ENPP2: variants seen among roughly 807,000 people sequenced by gnomAD.
ENPP2 encodes the protein ectonucleotide pyrophosphatase/phosphodiesterase 2.
Under a neutral mutation model 120.2 loss-of-function variants are expected in ENPP2, and 51 were observed. That is an observed-to-expected ratio of 0.42 (90% CI 0.34 to 0.54). ENPP2 has a LOEUF of 0.54. Among genes scored for constraint, ENPP2 ranks in the 20% least tolerant of loss-of-function variants. The probability of loss-of-function intolerance (pLI) is 0.04; values close to 1 mark genes in which losing one functional copy is unlikely to be tolerated. For synonymous variants in ENPP2, 365 were observed against 366.4 expected, an observed-to-expected ratio of 1.00 and a Z score of 0.04; for missense variants, 920 against 1,066.5, an observed-to-expected ratio of 0.86 and a Z score of 1.91.
intron 22 of ENPP2, among the ~76,000 whole-genome samples, chr8:119,567,731 C>T (rs1427835786): frequency 1.3e-5 from 2 of 152,150 alleles, no homozygotes; most frequent in East Asian, 3.9e-4. Flanking sequence ...TACTGCAATG[C>T]TCAACAAATA....
intron 1 of ENPP2, among the ~76,000 whole-genome samples, chr8:119,650,514 G>A (rs748417021): frequency 2.0e-5 from 3 of 152,104 alleles, no homozygotes; most frequent in Non-Finnish European, 4.4e-5. Flanking sequence ...AAAAAGAACC[G>A]AGATTATACC....
intron 24 of ENPP2, among the ~76,000 whole-genome samples, chr8:119,560,168 C>G (rs2129880162): frequency 6.6e-6 from 1 of 152,314 alleles, no homozygotes; most frequent in Admixed American, 6.5e-5. Context: ...AAATGGCCTA[C>G]TATGTATATG....
chr8:119,597,189 A>T (rs1381865710), intron 11 of ENPP2, among the ~76,000 whole-genome samples: 5 of 152,028 alleles, frequency 3.3e-5, no homozygotes, highest in African/African-American at 1.2e-4. Context: ...AGCCCCAAAG[A>T]CTTTGGTTTT....
rs1409572582 is a variant in ENPP2 at position 119,557,407 on chromosome 8, G to A, written c.*114C>T. 2 of 832,896 alleles carry A rather than the reference G, an allele frequency of 2.4e-6. No individual in the cohort carries two copies. Among genetic ancestry groups the A allele is most frequent in the Non-Finnish European group, 3.7e-6 (2 of 544,996 alleles). The allele number at this position is 832,896 out of a possible 1,614,324, so 51.6% of individuals were successfully genotyped here. A position where few individuals can be genotyped will look rare whatever the true frequency, so the allele number is the denominator to read the frequency against. On this transcript the variant is annotated 3_prime_UTR_variant, in exon 25 of 25. Coordinates refer to ENST00000075322, the MANE Select transcript of ENPP2 (RefSeq NM_001040092.3). Reference sequence around the variant, plus strand: ...ATTCAGGCATAATATGTCAGATTTGGTACAGGATTAAAATACTAACATTTT... The same window carrying A: ...ATTCAGGCATAATATGTCAGATTTGATACAGGATTAAAATACTAACATTTT...
chr8:119,630,600 C>T (rs11783720), intron 2 of ENPP2, among the ~76,000 whole-genome samples: 9 of 148,050 alleles, frequency 6.1e-5, no homozygotes, highest in Non-Finnish European at 1.0e-4. Flanking sequence ...TCTTGCCAAA[C>T]CTAAAGACAA....
rs1405111624 is a variant in ENPP2, at chr8:119,665,137, C to A, written c.21+8115G>T. On this transcript the variant is annotated intron_variant, in intron 1 of 25. Coordinates refer to the ENPP2 transcript ENST00000427067. ...CTCATGACCTGCTTTAATTTGAATA[C>A]CTCTCTGAAGACTCTGTCTCTAAAT... Among the ~76,000 whole-genome samples, 3 of 152,112 alleles carry A rather than the reference C, an allele frequency of 2.0e-5. No homozygotes were observed. The East Asian group carries it at 5.8e-4, about 29-fold the overall frequency.
chr8:119,639,186 G>A (rs1817185843), upstream of ENPP2, among the ~76,000 whole-genome samples: 1 of 152,182 alleles, frequency 6.6e-6, no homozygotes, highest in Admixed American at 6.5e-5. Flanking sequence ...GGCTGTGCAA[G>A]GGCTTTCCAC....
intron 19 of ENPP2, among the ~76,000 whole-genome samples, chr8:119,573,980 A>G (rs1225352793): frequency 1.3e-5 from 2 of 152,168 alleles, no homozygotes; most frequent in East Asian, 3.9e-4. Flanking sequence ...AGTGGTTTTT[A>G]CAGCCTCCTA....
At chr8:119,635,653 T>C (rs1307746623) in intron 2 of ENPP2, among the ~76,000 whole-genome samples, 1 of 152,238 alleles carries the variant, frequency 6.6e-6, no homozygotes, top group African/African-American at 2.4e-5. Flanking sequence ...TCCACCCATC[T>C]CACCGTCTCA....
chr8:119,606,328 A>T (rs982877871), intron 9 of ENPP2, among the ~76,000 whole-genome samples: 5 of 152,226 alleles, frequency 3.3e-5, no homozygotes, highest in Non-Finnish European at 5.9e-5. Flanking sequence ...GAAAATTGCC[A>T]TTCAAAACCA....
chr8:119,658,438 T>A (rs953483548), intron 1 of ENPP2, among the ~76,000 whole-genome samples: 3 of 152,238 alleles, frequency 2.0e-5, no homozygotes, highest in African/African-American at 7.2e-5. Flanking sequence ...GCCAGCTAAT[T>A]TTTTAATTTT....
chr8:119,632,931 T>G (rs897599370), intron 2 of ENPP2, among the ~76,000 whole-genome samples: 12 of 152,072 alleles, frequency 7.9e-5, no homozygotes, highest in Admixed American at 3.3e-4. Context: ...TAGCCAGGCA[T>G]GGGGGTGCAC....
At chr8:119,673,303 C>T (rs1818309621) in exon 1 of ENPP2, 2 of 1,534,932 alleles carry the variant, frequency 1.3e-6, no homozygotes, top group Non-Finnish European at 8.7e-7. Context: ...TGTTCCTGCC[C>T]GGGCGCTGCG....
intron 1 of ENPP2, among the ~76,000 whole-genome samples, chr8:119,661,470 C>T (rs1817918717): frequency 6.6e-6 from 1 of 152,154 alleles, no homozygotes; most frequent in Non-Finnish European, 1.5e-5. Context: ...AATATCACCT[C>T]GGACCTGTTA....
chr8:119,570,917 G>A (rs1814923446), intron 19 of ENPP2, 76 bp from the exon 20 acceptor site: 2 of 956,328 alleles, frequency 2.1e-6, no homozygotes, highest in Non-Finnish European at 3.0e-6. Flanking sequence ...TGTTGGAAGA[G>A]TCAAGTTACC....
In ENPP2 at chr8:119,626,611, G is replaced by A. The variant is rs1308307511; in HGVS notation, c.246C>T (p.Ser82=). The change falls in exon 3 of 25, where the codon AGC becomes AGT. Residue 82 remains serine (S), a synonymous_variant. Transcript: ENST00000075322. ...CAAAGTCATGGCAGCAACTGGTATAGCTCTTACACAAGTTGTCACAGCGAC... is the reference window on the plus strand; with the variant it reads ...CAAAGTCATGGCAGCAACTGGTATAACTCTTACACAAGTTGTCACAGCGAC... ...PDCRCDNLCK[S]YTSCCHDFDE... 5.6e-6 allele frequency: 9 copies of A among 1,613,798 alleles called. No individual in the cohort carries two copies. Among genetic ancestry groups the A allele is most frequent in the Admixed American group, 1.7e-5 (1 of 59,998 alleles).
intron 9 of ENPP2, among the ~76,000 whole-genome samples, chr8:119,605,373 T>C (rs913460893): frequency 6.6e-6 from 1 of 151,478 alleles, no homozygotes; most frequent in Admixed American, 6.6e-5. Flanking sequence ...GCCATAAGCA[T>C]TTTAAATATG....
In ENPP2 at chr8:119,582,080, C is replaced by T. The variant is rs767370741; in HGVS notation, c.1728+338G>A. On this transcript the variant is annotated intron_variant, in intron 18 of 24. Transcript: ENST00000075322. ...TCTATATGGGCCACCTGTCTCCCGT[C>T]GGGACCATGACTAATAGACATGTGA... Among the ~76,000 whole-genome samples the T allele has an allele frequency of 1.8e-4, 27 of 152,098 alleles. 1 individual carries two copies. Among genetic ancestry groups the T allele is most frequent in the Non-Finnish European group, 3.2e-4 (22 of 68,020 alleles).
chr8:119,662,697 C>G (rs1231914973), intron 1 of ENPP2, among the ~76,000 whole-genome samples: 1 of 152,160 alleles, frequency 6.6e-6, no homozygotes, highest in African/African-American at 2.4e-5. Flanking sequence ...CTGGAGAAAA[C>G]AACAAAAACA....
Sources: allele counts gnomAD v4.1 joint callset (sites outside exome capture counted in the v4.1 genomes callset), GRCh38; gene constraint gnomAD v4.1.1; transcripts MANE v1.5; gene names NCBI Gene and HGNC (gene_info 2026-07-23, HGNC 2026-07-21).